The following ABCF3 variants were observed in gnomAD, a reference collection of about 807,000 sequenced individuals.
The protein encoded by ABCF3 is ATP-binding cassette sub-family F member 3.
Under a neutral mutation model 94.3 loss-of-function variants are expected in ABCF3, and 62 were observed. The observed-to-expected ratio is 0.66, with a 90% CI of 0.54 to 0.81. ABCF3 has a LOEUF of 0.81. Among genes scored for constraint, ABCF3 ranks in the 40% least tolerant of loss-of-function variants. The pLI is 0.00. For synonymous variants in ABCF3, 355 were observed against 361.1 expected, an observed-to-expected ratio of 0.98 and a Z score of 0.19; for missense variants, 843 against 925.3, an observed-to-expected ratio of 0.91 and a Z score of 1.15.
intron 16 of ABCF3, 112 bp from the exon 17 acceptor site, chr3:184,192,489 C>T: frequency 9.8e-7 from 1 of 1,020,974 alleles, no homozygotes; most frequent in Non-Finnish European, 1.4e-6. Flanking sequence ...GTAACCACAA[C>T]TCTGCTCTCT....
At position 184,193,795 on chromosome 3, in the gene ABCF3, A is replaced by C. The variant is rs916624005; in HGVS notation, c.*97A>C. 9.7e-6 allele frequency: 13 copies of C among 1,342,432 alleles called. No individual in the cohort carries two copies. Among genetic ancestry groups the C allele is most frequent in the Non-Finnish European group, 1.1e-5 (11 of 999,394 alleles). 83.2% of individuals were successfully genotyped at this position (1,342,432 alleles called of 1,614,324 possible). ...CACTCCAGGCCGTGGACTTCCCCCAACTTGGGGACAGCCTTATTCCCAAAT... is the reference window on the plus strand; with the variant it reads ...CACTCCAGGCCGTGGACTTCCCCCACCTTGGGGACAGCCTTATTCCCAAAT... On this transcript the variant is annotated 3_prime_UTR_variant, in exon 21 of 21. Coordinates refer to ENST00000429586, the MANE Select transcript of ABCF3 (RefSeq NM_018358.3). The surrounding 1 kb of genome is among the most constrained non-coding windows in gnomAD (Gnocchi z 5.2).
In ABCF3 at chr3:184,189,929, G is replaced by T. The variant is rs1212111256; in HGVS notation, c.1389G>T (p.Lys463Asn). ...AGAGTAAACTCAAGATGCTGGAGAAGCTGTGAGTACAGCATCCTTGGCCAG... is the reference window on the plus strand; with the variant it reads ...AGAGTAAACTCAAGATGCTGGAGAATCTGTGAGTACAGCATCCTTGGCCAG... ...QVQSKLKMLEKLPELKPVDKE... is the reference protein window; with the variant it reads ...QVQSKLKMLENLPELKPVDKE... The change falls in exon 14 of 21, where the codon AAG (lysine) becomes AAT (asparagine). Residue 463 changes from lysine (K) to asparagine (N), a missense_variant and splice_region_variant. By Grantham distance (94) the Lys-to-Asn change is moderately conservative. Transcript: ENST00000429586. 2.1e-5 allele frequency: 34 copies of T among 1,614,202 alleles called. No homozygotes were observed. The highest frequency in any genetic ancestry group is 2.7e-5 in the Non-Finnish European group (32 of 1,180,018).
In ABCF3 at chr3:184,192,801, G is replaced by T. The variant is rs753044975; in HGVS notation, c.1659-4G>T. 2 of 1,613,960 alleles carry T rather than the reference G, an allele frequency of 1.2e-6. No individual in the cohort carries two copies. Among genetic ancestry groups the T allele is most frequent in the Non-Finnish European group, 1.7e-6 (2 of 1,179,822 alleles). ...TGTTTTTCCACCTCGGCTTCTGCCT[G>T]CAGGAATCTGAAGATTGGCTATTTC... On this transcript the variant is annotated splice_polypyrimidine_tract_variant and splice_region_variant and intron_variant, in intron 17 of 20. Transcript: ENST00000429586.
intron 14 of ABCF3, chr3:184,190,308 T>G: frequency 3.8e-6 from 1 of 266,422 alleles, no homozygotes; most frequent in Non-Finnish European, 7.2e-6. Flanking sequence ...TTCTGTTGTG[T>G]GGATATACAG....
chr3:184,188,706 G>A, intron 7 of ABCF3, 55 bp from the exon 8 acceptor site: 1 of 1,564,806 alleles, frequency 6.4e-7, no homozygotes, highest in Non-Finnish European at 8.8e-7. Flanking sequence ...TAGGGTGCAG[G>A]ACATCCTCCT....
At position 184,189,883 on chromosome 3, in the gene ABCF3, C is replaced by A. The variant is rs754124303; in HGVS notation, c.1343C>A (p.Ala448Asp). ...QVFIDRFRYNANRASQVQSKL... is the reference protein window; with the variant it reads ...QVFIDRFRYNDNRASQVQSKL... ...TTCATTGACCGGTTTCGCTACAATGCCAACAGGGCCTCTCAAGTGCAGAGT... is the reference window on the plus strand; with the variant it reads ...TTCATTGACCGGTTTCGCTACAATGACAACAGGGCCTCTCAAGTGCAGAGT... Residue 448 changes from alanine (A) to aspartate (D), a missense_variant, in exon 14 of 21, where the codon GCC (alanine) becomes GAC (aspartate). Physicochemically the swap from Ala to Asp is moderately radical, Grantham distance 126. Coordinates refer to ENST00000429586, the MANE Select transcript of ABCF3 (RefSeq NM_018358.3). 3 of 1,614,236 alleles carry A rather than the reference C, an allele frequency of 1.9e-6. No individual in the cohort carries two copies. The highest frequency in any genetic ancestry group is 8.5e-7 in the Non-Finnish European group (1 of 1,180,052).
Position 184,186,260 on chromosome 3 carries a change from A to G in ABCF3, c.53A>G (p.Gln18Arg), listed in dbSNP as rs1457899216. The G allele has an allele frequency of 6.2e-7, 1 of 1,614,112 alleles. No homozygotes were observed. Among genetic ancestry groups the G allele is most frequent in the African/African-American group, 1.3e-5 (1 of 74,958 alleles). ...LRSEFPEIDG[Q>R]VFDYVTGVLH... ...AGCGAGTTCCCCGAAATTGACGGAC[A>G]AGTCTTCGACTACGTGACCGGTAAG... Residue 18 changes from glutamine to arginine, a missense_variant, in exon 1 of 21, where the codon CAA becomes CGA. Physicochemically the swap from Gln to Arg is conservative, Grantham distance 43. Transcript: ENST00000429586.
At position 184,193,504 on chromosome 3, in the gene ABCF3, G is replaced by T; in HGVS notation, c.1972-36G>T. 3 of 1,614,094 alleles carry T rather than the reference G, an allele frequency of 1.9e-6. No individual in the cohort carries two copies. The highest frequency in any genetic ancestry group is 2.5e-6 in the Non-Finnish European group (3 of 1,179,992). ...CCTCCCAGGCCTCGGTGCCTCTTGT[G>T]TCCCCCTGAGCACCTCCTGCCCTCC... On this transcript the variant is annotated intron_variant, in intron 20 of 20. Coordinates refer to ENST00000429586, the MANE Select transcript of ABCF3 (RefSeq NM_018358.3). This position sits in a 1 kb window ranked among gnomAD's most constrained non-coding sequence, Gnocchi z 5.2.
Position 184,193,935 on chromosome 3 carries a change from G to T in ABCF3, c.*237G>T. On this transcript the variant is annotated 3_prime_UTR_variant, in exon 21 of 21. Coordinates refer to ENST00000429586, the MANE Select transcript of ABCF3 (RefSeq NM_018358.3). This position sits in a 1 kb window ranked among gnomAD's most constrained non-coding sequence, Gnocchi z 5.2. The stretch of plus-strand genomic sequence containing the variant: ...CTGGGGGGTACCCTCTGGGGTTATA[G>T]ATTCCCCCACTGCCCCAGCTCTGAC... 1 of 518,290 alleles carries T rather than the reference G, an allele frequency of 1.9e-6. No homozygotes were observed. Among genetic ancestry groups the T allele is most frequent in the East Asian group, 3.3e-5 (1 of 30,736 alleles). The allele number at this position is 518,290 out of a possible 1,614,324, so 32.1% of individuals were successfully genotyped here.
chr3:184,192,489 C>A, intron 16 of ABCF3, 112 bp from the exon 17 acceptor site: 2 of 1,020,970 alleles, frequency 2.0e-6, no homozygotes, highest in Non-Finnish European at 2.9e-6. Context: ...GTAACCACAA[C>A]TCTGCTCTCT....
Position 184,193,533 on chromosome 3 carries a change from C to T in ABCF3, c.1972-7C>T. The T allele has an allele frequency of 6.2e-7, 1 of 1,614,138 alleles. No homozygotes were observed. Among genetic ancestry groups the T allele is most frequent in the Non-Finnish European group, 8.5e-7 (1 of 1,179,984 alleles). On this transcript the variant is annotated splice_region_variant and splice_polypyrimidine_tract_variant and intron_variant, in intron 20 of 20. Transcript: ENST00000429586. The surrounding 1 kb of genome is among the most constrained non-coding windows in gnomAD (Gnocchi z 5.2). ...CCCTGAGCACCTCCTGCCCTCCTGT[C>T]TTTCAGGGTGGTGTGATTCTGGTGT...
intron 16 of ABCF3, among the ~76,000 whole-genome samples, chr3:184,191,791 C>T (rs905800232): frequency 2.2e-5 from 3 of 139,466 alleles, no homozygotes; most frequent in Non-Finnish European, 3.0e-5. Context: ...CCTGTTGCCC[C>T]GGCTGGAGTG....
At position 184,186,234 on chromosome 3, in the gene ABCF3, G is replaced by A; in HGVS notation, c.27G>A (p.Arg9=). MATCAEIL[R]SEFPEIDGQV... Reference sequence around the variant, plus strand: ...TGGCGACTTGCGCCGAAATCCTGCGGAGCGAGTTCCCCGAAATTGACGGAC... The same window carrying A: ...TGGCGACTTGCGCCGAAATCCTGCGAAGCGAGTTCCCCGAAATTGACGGAC... Residue 9 remains arginine (R), a synonymous_variant, in exon 1 of 21, where the codon CGG becomes CGA. Coordinates refer to ENST00000429586, the MANE Select transcript of ABCF3 (RefSeq NM_018358.3). 2 of 1,614,224 alleles carry A rather than the reference G, an allele frequency of 1.2e-6. No individual in the cohort carries two copies. The highest frequency in any genetic ancestry group is 1.7e-6 in the Non-Finnish European group (2 of 1,180,046).
At position 184,186,605 on chromosome 3, in the gene ABCF3, G is replaced by A. The variant is rs1382048932; in HGVS notation, c.172G>A (p.Asp58Asn). 1 of 1,613,810 alleles carries A rather than the reference G, an allele frequency of 6.2e-7. No individual in the cohort carries two copies. Among genetic ancestry groups the A allele is most frequent in the African/African-American group, 1.3e-5 (1 of 74,924 alleles). ...LQEVSGDSKD[D>N]AGIRAVCQRM... ...AGAGGTGTCCGGGGACAGCAAGGAT[G>A]ACGCGGGCATCAGGGCCGTGTGCCA... The change falls in exon 2 of 21, where the codon GAC becomes AAC. Residue 58 changes from aspartate (D) to asparagine (N), a missense_variant. Coordinates refer to ENST00000429586, the MANE Select transcript of ABCF3 (RefSeq NM_018358.3).
rs761084655 is a variant in ABCF3, at chr3:184,193,077, C to G, written c.1751-25C>G. 6.5e-7 allele frequency: 1 copy of G among 1,534,814 alleles called. No homozygotes were observed. Among genetic ancestry groups the G allele is most frequent in the East Asian group, 2.3e-5 (1 of 44,224 alleles). ...GGGAGGGTGTTGGGCCAAGAAGCCA[C>G]CTGATCTGGGGAGTCCTTTTCCAGG... On this transcript the variant is annotated intron_variant, in intron 18 of 20. Transcript: ENST00000429586. The surrounding 1 kb of genome is among the most constrained non-coding windows in gnomAD (Gnocchi z 5.2).
chr3:184,188,472 G>A, intron 7 of ABCF3, 65 bp downstream of exon 7: 1 of 1,544,782 alleles, frequency 6.5e-7, no homozygotes. Flanking sequence ...TGCCGTCCTG[G>A]AACAATCCAT....
rs375009324 is a variant in ABCF3 at position 184,191,749 on chromosome 3, C to CTTTTTTTTTTTTTTTTTTTTTTTTTTTT, written c.1569+508_1569+509insTTTTTTTTTTTTTTTTTTTTTTTTTTTT. Among the ~76,000 whole-genome samples the CTTTTTTTTTTTTTTTTTTTTTTTTTTTT allele has an allele frequency of 2.6e-3, 298 of 114,668 alleles. 51 individuals carry two copies. The highest frequency in any genetic ancestry group is 5.8e-3 in the African/African-American group (159 of 27,288). The allele number at this position is 114,668 out of a possible 152,430, so 75.2% of individuals were successfully genotyped here. A position where few individuals can be genotyped will look rare whatever the true frequency, so the allele number is the denominator to read the frequency against. Reference sequence around the variant, plus strand: ...GCATTTTTCTGTAGAGTTAGAGTTCCTTTTTTTTTTTTTTCGGAGACAGAG... The same window carrying CTTTTTTTTTTTTTTTTTTTTTTTTTTTT: ...GCATTTTTCTGTAGAGTTAGAGTTCCTTTTTTTTTTTTTTTTTTTTTTTTTTTTTTTTTTTTTTTTTTCGGAGACAGAG... On this transcript the variant is annotated intron_variant, in intron 16 of 20. Transcript: ENST00000429586.
At chr3:184,192,466 T>G in intron 16 of ABCF3, 135 bp from the exon 17 acceptor site, 2 of 861,632 alleles carry the variant, frequency 2.3e-6, no homozygotes, top group East Asian at 5.6e-5. Flanking sequence ...CCCCTTATCC[T>G]TCCCAGCCTC....
At chr3:184,188,730 T>G (rs932085297) in intron 7 of ABCF3, 31 bp from the exon 8 acceptor site, 1 of 1,611,338 alleles carries the variant, frequency 6.2e-7, no homozygotes, top group African/African-American at 1.3e-5. Flanking sequence ...CTGCCCCTGC[T>G]TAGGCCAATT....
Sources: allele counts gnomAD v4.1 joint callset (sites outside exome capture counted in the v4.1 genomes callset), GRCh38; gene constraint gnomAD v4.1.1; non-coding constraint Gnocchi (gnomAD v3.1); transcripts MANE v1.5; gene names NCBI Gene and HGNC (gene_info 2026-07-23, HGNC 2026-07-21).